The following ADAM22 variants were observed in gnomAD, a reference collection of about 807,000 sequenced individuals.
The protein encoded by ADAM22 is disintegrin and metalloproteinase domain-containing protein 22.
A neutral mutation model predicts 144.6 loss-of-function variants in ADAM22; 65 were observed. That is an observed-to-expected ratio of 0.45 (90% CI 0.37 to 0.55). The LOEUF (loss-of-function observed/expected upper bound fraction) is 0.55, where lower values mean the gene tolerates loss of function less well. ADAM22 is among the 20% of genes least tolerant of loss of function. The probability of loss-of-function intolerance (pLI) is 0.00; values close to 1 mark genes in which losing one functional copy is unlikely to be tolerated. For missense variants in ADAM22, 974 were observed against 1,184.9 expected (o/e 0.82, Z 2.61); for synonymous variants, 391 against 412.6 (o/e 0.95, Z 0.63).
At chr7:88,114,559 C>T (rs764216731) in intron 5 of ADAM22, 25 bp from the exon 6 acceptor site, 2 of 1,610,894 alleles carry the variant, frequency 1.2e-6, no homozygotes, top group Non-Finnish European at 1.7e-6. Flanking sequence ...ATGGCCATGC[C>T]TAATTATTTT....
chr7:88,172,721 C>T (rs1563388505), intron 26 of ADAM22, among the ~76,000 whole-genome samples: 1 of 151,832 alleles, frequency 6.6e-6, no homozygotes, highest in Non-Finnish European at 1.5e-5. Flanking sequence ...TTGACCTTTC[C>T]CTAGAGTGAC....
At position 88,197,227 on chromosome 7, in the gene ADAM22, A is replaced by G. The variant is rs905266525; in HGVS notation, c.*736A>G. ...TCGTCATCCATCCAGTGATCTTCAA[A>G]GACTATAAGCAGGTAATGTAAATAT... is the stretch of plus-strand genomic sequence containing the variant. On this transcript the variant is annotated 3_prime_UTR_variant, in exon 32 of 32. Coordinates refer to ENST00000413139, the MANE Select transcript of ADAM22 (RefSeq NM_001324418.2). 6.6e-6 allele frequency: 1 copy of G among 152,432 alleles called. No individual in the cohort carries two copies. Among genetic ancestry groups the G allele is most frequent in the African/African-American group, 2.4e-5 (1 of 41,578 alleles). 9.4% of individuals were successfully genotyped at this position (152,432 alleles called of 1,614,324 possible).
At chr7:88,001,306 A>G (rs1792496356) in intron 3 of ADAM22, among the ~76,000 whole-genome samples, 1 of 152,240 alleles carries the variant, frequency 6.6e-6, no homozygotes. Flanking sequence ...TACAAACATA[A>G]CCTGAAGGTA....
chr7:88,110,338 G>A (rs1413600709), intron 5 of ADAM22, among the ~76,000 whole-genome samples: 1 of 152,060 alleles, frequency 6.6e-6, no homozygotes, highest in African/African-American at 2.4e-5. Flanking sequence ...GGTAAAAAAT[G>A]AAGTGTTTTT....
chr7:88,134,095 G>C (rs940225205), intron 12 of ADAM22, among the ~76,000 whole-genome samples: 1 of 152,168 alleles, frequency 6.6e-6, no homozygotes, highest in Non-Finnish European at 1.5e-5. Flanking sequence ...CCCAAAAGCT[G>C]TGATTATTTC....
intron 24 of ADAM22, 67 bp downstream of exon 24, chr7:88,166,013 T>A (rs1357007326): frequency 1.7e-6 from 2 of 1,144,292 alleles, no homozygotes; most frequent in Non-Finnish European, 2.5e-6. Flanking sequence ...CTCTGAAAAC[T>A]TTTATTTGAG....
rs1230159616 is a variant in ADAM22, at chr7:88,189,247, T to C, written c.2750+2546T>C. Among the ~76,000 whole-genome samples the C allele has an allele frequency of 2.0e-5, 3 of 152,272 alleles. 1 individual carries two copies. Among genetic ancestry groups the C allele is most frequent in the Admixed American group, 2.0e-4 (3 of 15,298 alleles). On this transcript the variant is annotated intron_variant, in intron 30 of 31. Coordinates refer to ENST00000413139, the MANE Select transcript of ADAM22 (RefSeq NM_001324418.2). ...AGAGCATTATCTCGCCACACCCAGATCCTGGATGCAGTTCTGTTATAAGCT... is the reference window on the plus strand; with the variant it reads ...AGAGCATTATCTCGCCACACCCAGACCCTGGATGCAGTTCTGTTATAAGCT...
chr7:88,130,913 G>C (rs1018504215), intron 10 of ADAM22, among the ~76,000 whole-genome samples: 3 of 152,102 alleles, frequency 2.0e-5, no homozygotes, highest in Non-Finnish European at 4.4e-5. Context: ...CAGTCAGCTT[G>C]TATAGAAATT....
At chr7:88,169,900 T>C (rs1195065715) in intron 25 of ADAM22, among the ~76,000 whole-genome samples, 1 of 152,166 alleles carries the variant, frequency 6.6e-6, no homozygotes, top group African/African-American at 2.4e-5. Flanking sequence ...TTCTGGAGTG[T>C]GTGATTTTCT....
chr7:88,035,804 TC>T (rs1801405200), intron 3 of ADAM22, among the ~76,000 whole-genome samples: 1 of 152,146 alleles, frequency 6.6e-6, no homozygotes, highest in Non-Finnish European at 1.5e-5. Context: ...TGGAACCAAT[TC>T]CCCAAGGATA....
At chr7:88,140,922 T>A (rs1050833126) in intron 14 of ADAM22, among the ~76,000 whole-genome samples, 1 of 151,892 alleles carries the variant, frequency 6.6e-6, no homozygotes, top group African/African-American at 2.4e-5. Context: ...ACTAGACGAG[T>A]GTCTTCCTGA....
chr7:88,039,826 C>A (rs1487242301), intron 3 of ADAM22, among the ~76,000 whole-genome samples: 1 of 151,802 alleles, frequency 6.6e-6, no homozygotes, highest in Non-Finnish European at 1.5e-5. Flanking sequence ...CGTTTTTGTC[C>A]TTGGATTCTC....
Position 88,196,534 on chromosome 7 carries a change from A to T in ADAM22, c.*43A>T. The T allele has an allele frequency of 1.9e-6, 3 of 1,605,578 alleles. No individual in the cohort carries two copies. Among genetic ancestry groups the T allele is most frequent in the Non-Finnish European group, 2.6e-6 (3 of 1,172,600 alleles). Reference sequence around the variant, plus strand: ...TGATACATCGAAAACTGTTTACTTCAACTTTTATAGAAACCCAGGCTCATG... The same window carrying T: ...TGATACATCGAAAACTGTTTACTTCTACTTTTATAGAAACCCAGGCTCATG... On this transcript the variant is annotated 3_prime_UTR_variant, in exon 32 of 32. Transcript: ENST00000413139.
At chr7:88,078,681 C>T (rs1326242538) in intron 4 of ADAM22, among the ~76,000 whole-genome samples, 2 of 151,796 alleles carry the variant, frequency 1.3e-5, no homozygotes, top group African/African-American at 2.4e-5. Context: ...AACCATGGCA[C>T]GAGAACTGCA....
intron 29 of ADAM22, among the ~76,000 whole-genome samples, chr7:88,183,638 T>C (rs895592079): frequency 1.3e-5 from 2 of 151,902 alleles, no homozygotes; most frequent in African/African-American, 2.4e-5. Flanking sequence ...AATTATAATA[T>C]TTAATATGAC....
intron 3 of ADAM22, among the ~76,000 whole-genome samples, chr7:88,042,745 C>T (rs909326012): frequency 6.6e-6 from 1 of 151,612 alleles, no homozygotes; most frequent in Non-Finnish European, 1.5e-5. Flanking sequence ...TGACATTTTG[C>T]ACTTGATTAA....
At chr7:88,060,299 T>C (rs1225249347) in intron 3 of ADAM22, among the ~76,000 whole-genome samples, 1 of 152,226 alleles carries the variant, frequency 6.6e-6, no homozygotes, top group Admixed American at 6.5e-5. Context: ...GATTTCTCCA[T>C]AGCATGAGAT....
At chr7:87,987,265 G>A (rs1788705766) in intron 3 of ADAM22, among the ~76,000 whole-genome samples, 2 of 151,952 alleles carry the variant, frequency 1.3e-5, no homozygotes, top group South Asian at 4.1e-4. Flanking sequence ...TGCAACCTCC[G>A]TCTCCCGGGC....
intron 3 of ADAM22, among the ~76,000 whole-genome samples, chr7:88,059,221 C>T (rs1319982567): frequency 1.3e-5 from 2 of 152,146 alleles, no homozygotes; most frequent in African/African-American, 2.4e-5. Flanking sequence ...TTCTGCCTCC[C>T]TCTAGAGACG....
Sources: allele counts gnomAD v4.1 joint callset (sites outside exome capture counted in the v4.1 genomes callset), GRCh38; gene constraint gnomAD v4.1.1; transcripts MANE v1.5; gene names NCBI Gene and HGNC (gene_info 2026-07-23, HGNC 2026-07-21).